STAT5B: variants seen among roughly 807,000 people sequenced by gnomAD.
The protein encoded by STAT5B is signal transducer and activator of transcription 5B.
A neutral mutation model predicts 107.8 loss-of-function variants in STAT5B; 21 were observed. That is an observed-to-expected ratio of 0.19 (90% confidence interval 0.14 to 0.28). STAT5B has a LOEUF of 0.28. Among genes scored for constraint, STAT5B ranks in the 10% least tolerant of loss-of-function variants. STAT5B has a pLI of 1.00. For missense variants in STAT5B, 565 were observed against 1,008.2 expected, an observed-to-expected ratio of 0.56 and a Z score of 5.95; for synonymous variants, 325 against 401.7, an observed-to-expected ratio of 0.81 and a Z score of 2.28.
At chr17:42,221,217 C>T (rs545909002) in intron 5 of STAT5B, among the ~76,000 whole-genome samples, 25 of 152,302 alleles carry the variant, frequency 1.6e-4, no homozygotes, top group African/African-American at 2.4e-4. Flanking sequence ...CATCCAGGGA[C>T]GGACAGATCC....
the STAT5B span, among the ~76,000 whole-genome samples, chr17:42,287,337 C>CCCA: frequency 6.6e-6 from 1 of 151,036 alleles, no homozygotes; most frequent in Non-Finnish European, 1.5e-5. Context: ...TGCACCCCCC[C>CCCA]CAACAGAACA....
At chr17:42,286,989 C>T in the STAT5B span, among the ~76,000 whole-genome samples, 52 of 152,184 alleles carry the variant, frequency 3.4e-4, no homozygotes, top group Non-Finnish European at 7.4e-5. Context: ...ATCCATTGCT[C>T]AGAGTGGGAA....
At chr17:42,241,066 G>A (rs143762871) in intron 1 of STAT5B, among the ~76,000 whole-genome samples, 19 of 152,256 alleles carry the variant, frequency 1.2e-4, no homozygotes, top group East Asian at 5.8e-4. Flanking sequence ...CCAGCCAGGC[G>A]TGGTGGCTCA....
chr17:42,281,632 GC>G (rs2080796071), upstream of STAT5B, among the ~76,000 whole-genome samples: 1 of 152,202 alleles, frequency 6.6e-6, no homozygotes, highest in African/African-American at 2.4e-5. Flanking sequence ...GAGGACGGGA[GC>G]GATGGATGTG....
intron 16 of STAT5B, among the ~76,000 whole-genome samples, chr17:42,203,689 C>T (rs1251739696): frequency 2.0e-5 from 3 of 151,986 alleles, no homozygotes; most frequent in Non-Finnish European, 2.9e-5. Flanking sequence ...TGCAGTGGTG[C>T]GATCTCAGCT....
chr17:42,269,772 A>G lies in STAT5B; in HGVS notation c.-11+6476T>C, dbSNP rs1754285411. 4 of 152,250 alleles carry G rather than the reference A, an allele frequency of 2.6e-5. No individual in the cohort carries two copies. In the Middle Eastern group the frequency reaches 0.014, roughly 518 times the overall value. The allele number at this position is 152,250 out of a possible 1,614,324, so 9.4% of individuals were successfully genotyped here. ...CTTTAGGGTTGTGAATTCTGTTTCC[A>G]AGACTTAACTTCACAATCCACTCCC... On this transcript the variant is annotated intron_variant, in intron 1 of 18. Transcript: ENST00000293328.
At chr17:42,210,334 G>T in intron 14 of STAT5B, 33 bp from the exon 15 acceptor site, 1 of 1,614,192 alleles carries the variant, frequency 6.2e-7, no homozygotes, top group Non-Finnish European at 8.5e-7. Context: ...CAGAAGCAGA[G>T]TGTGACTTAC....
intron 1 of STAT5B, chr17:42,271,399 C>A (rs2080721027): frequency 6.6e-6 from 1 of 152,206 alleles, no homozygotes; most frequent in Middle Eastern, 3.2e-3. Flanking sequence ...CCTTGTCTTC[C>A]CCAACCTTTC....
At chr17:42,272,773 G>A (rs2080731750) in intron 1 of STAT5B, 1 of 151,802 alleles carries the variant, frequency 6.6e-6, no homozygotes, top group Admixed American at 6.6e-5. Flanking sequence ...AAAAAAAAAG[G>A]AAACCAAACC....
chr17:42,271,806 A>G (rs529892500), intron 1 of STAT5B: 1 of 152,358 alleles, frequency 6.6e-6, no homozygotes, highest in African/African-American at 2.4e-5. Context: ...GTGACAAATT[A>G]TAACTTCTCC....
At chr17:42,257,815 A>G (rs113549338) in intron 1 of STAT5B, among the ~76,000 whole-genome samples, 39 of 152,314 alleles carry the variant, frequency 2.6e-4, no homozygotes, top group African/African-American at 8.9e-4. Context: ...TAAAACAACA[A>G]ATACCACCAC....
At chr17:42,264,670 G>A (rs1207558900) in intron 1 of STAT5B, among the ~76,000 whole-genome samples, 11 of 151,284 alleles carry the variant, frequency 7.3e-5, no homozygotes, top group East Asian at 1.9e-4. Context: ...ATAAACATAC[G>A]TGTGCATGTG....
chr17:42,261,640 A>G (rs1055070297), intron 1 of STAT5B, among the ~76,000 whole-genome samples: 3 of 152,072 alleles, frequency 2.0e-5, no homozygotes, highest in African/African-American at 7.2e-5. Flanking sequence ...AGCTCACTGT[A>G]ACCTCTGCCT....
At chr17:42,217,989 A>G (rs922007988) in intron 9 of STAT5B, 162 bp downstream of exon 9, 79 of 1,244,630 alleles carry the variant, frequency 6.3e-5, no homozygotes, top group Non-Finnish European at 8.8e-5. Context: ...TACAGGTGTG[A>G]GCCACCACAC....
At chr17:42,257,812 A>G (rs1302397372) in intron 1 of STAT5B, among the ~76,000 whole-genome samples, 1 of 152,228 alleles carries the variant, frequency 6.6e-6, no homozygotes, top group Non-Finnish European at 1.5e-5. Context: ...TACTAAAACA[A>G]CAAATACCAC....
chr17:42,207,454 T>TTTTC, intron 16 of STAT5B, 104 bp downstream of exon 16: 1 of 1,438,456 alleles, frequency 7.0e-7, no homozygotes, highest in Non-Finnish European at 9.7e-7. Context: ...ATTGTGTGGG[T>TTTTC]TTTCACACAA....
chr17:42,263,756 G>A (rs1056557464), intron 1 of STAT5B, among the ~76,000 whole-genome samples: 1 of 151,824 alleles, frequency 6.6e-6, no homozygotes, highest in African/African-American at 2.4e-5. Context: ...TGAACTCCTG[G>A]ACTCAAGTGA....
chr17:42,270,119 G>T (rs1490377923), intron 1 of STAT5B, among the ~76,000 whole-genome samples: 1 of 152,168 alleles, frequency 6.6e-6, no homozygotes, highest in Non-Finnish European at 1.5e-5. Context: ...CTGGGCAGGA[G>T]AATCTCTTGA....
the STAT5B span, among the ~76,000 whole-genome samples, chr17:42,283,400 C>G: frequency 6.6e-6 from 1 of 152,154 alleles, no homozygotes; most frequent in African/African-American, 2.4e-5. Context: ...GAAATGTGAA[C>G]CTGGCACAGA....
Sources: allele counts gnomAD v4.1 joint callset (sites outside exome capture counted in the v4.1 genomes callset), GRCh38; gene constraint gnomAD v4.1.1; transcripts MANE v1.5; gene names NCBI Gene and HGNC (gene_info 2026-07-23, HGNC 2026-07-21).